The following ENPP3 variants were observed in gnomAD, a reference collection of about 807,000 sequenced individuals.
The protein encoded by ENPP3 is ectonucleotide pyrophosphatase/phosphodiesterase family member 3.
A neutral mutation model predicts 117.8 loss-of-function variants in ENPP3; 104 were observed. That is an observed-to-expected ratio of 0.88 (90% CI 0.75 to 1.04). ENPP3 has a LOEUF of 1.04. ENPP3 is among the 50% of genes least tolerant of loss of function. The probability of loss-of-function intolerance (pLI) is 0.00; values close to 1 mark genes in which losing one functional copy is unlikely to be tolerated. For missense variants in ENPP3, 1,026 were observed against 1,051.9 expected, an observed-to-expected ratio of 0.98 and a Z score of 0.34; for synonymous variants, 380 against 349.9, an observed-to-expected ratio of 1.09 and a Z score of -0.96.
At chr6:131,706,349 G>A (rs1304607227) in intron 15 of ENPP3, among the ~76,000 whole-genome samples, 1 of 136,726 alleles carries the variant, frequency 7.3e-6, no homozygotes, top group Non-Finnish European at 1.5e-5. Flanking sequence ...ATTTTAGAGT[G>A]CACTCCTTTT....
rs1554259595 is a variant in ENPP3, at chr6:131,639,265, A to ATTTTT, written c.78+1812_78+1816dup. ...TATGCTAATATATATATATATATAT[A>ATTTTT]TTTTTTTTTTTTTCTCTCTCTCTTT... On this transcript the variant is annotated intron_variant, in intron 1 of 24. Transcript: ENST00000357639. Among the ~76,000 whole-genome samples, 214 of 107,180 alleles carry ATTTTT rather than the reference A, an allele frequency of 2.0e-3. 5 individuals are homozygous for ATTTTT. The highest frequency in any genetic ancestry group is 4.2e-3 in the African/African-American group (107 of 25,428). The allele number at this position is 107,180 out of a possible 152,430, so 70.3% of individuals were successfully genotyped here.
chr6:131,656,026 C>G (rs1044150506), intron 5 of ENPP3, among the ~76,000 whole-genome samples: 1 of 152,146 alleles, frequency 6.6e-6, no homozygotes. Flanking sequence ...TACATAAAAT[C>G]CTCTTGCCAG....
chr6:131,658,653 T>A (rs1399521011), intron 6 of ENPP3, among the ~76,000 whole-genome samples: 1 of 152,226 alleles, frequency 6.6e-6, no homozygotes, highest in Non-Finnish European at 1.5e-5. Flanking sequence ...TTATTTTGAT[T>A]TGCTTTATAT....
In ENPP3 at chr6:131,740,277, C is replaced by G; in HGVS notation, c.2354C>G (p.Thr785Ser). 1 of 1,613,084 alleles carries G rather than the reference C, an allele frequency of 6.2e-7. No individual in the cohort carries two copies. The change falls in exon 24 of 25, where the codon ACC becomes AGC. Residue 785 changes from threonine to serine, a missense_variant. By Grantham distance (58) the Thr-to-Ser change is moderately conservative (BLOSUM62 1). Coordinates refer to ENST00000357639, the MANE Select transcript of ENPP3 (RefSeq NM_005021.5). ...PIPTHYFVVL[T>S]SCKNKSHTPE... ...CCAACACACTACTTTGTGGTGCTGA[C>G]CAGTTGTAAAAACAAGAGCCACACA...
At chr6:131,683,827 T>C (rs969749090) in intron 12 of ENPP3, among the ~76,000 whole-genome samples, 1 of 149,566 alleles carries the variant, frequency 6.7e-6, no homozygotes, top group Non-Finnish European at 1.5e-5. Context: ...CTTGGCTCAC[T>C]GCAAGCTCTG....
At chr6:131,705,880 G>A (rs1232813614) in intron 15 of ENPP3, among the ~76,000 whole-genome samples, 20 of 132,118 alleles carry the variant, frequency 1.5e-4, no homozygotes, top group South Asian at 4.6e-4. Context: ...TGTCATAGCC[G>A]TAATAATATT....
chr6:131,643,357 A>G (rs1354041830), intron 2 of ENPP3, among the ~76,000 whole-genome samples: 3 of 152,160 alleles, frequency 2.0e-5, no homozygotes, highest in African/African-American at 7.2e-5. Context: ...GTCTGAACAA[A>G]ACCTCCTTTT....
intron 14 of ENPP3, among the ~76,000 whole-genome samples, chr6:131,692,467 T>A (rs1184824372): frequency 6.6e-6 from 1 of 151,734 alleles, no homozygotes; most frequent in Non-Finnish European, 1.5e-5. Context: ...AAATGTAGGT[T>A]ATTTAAAAGA....
chr6:131,712,667 A>C (rs1370638873), intron 15 of ENPP3, among the ~76,000 whole-genome samples: 1 of 140,538 alleles, frequency 7.1e-6, no homozygotes, highest in Non-Finnish European at 1.5e-5. Flanking sequence ...CCAAAATGGC[A>C]TGTATACACC....
chr6:131,713,685 C>G (rs1779834655), intron 15 of ENPP3, among the ~76,000 whole-genome samples: 4 of 152,014 alleles, frequency 2.6e-5, no homozygotes, highest in Admixed American at 2.6e-4. Context: ...TTACTACATT[C>G]TACTATATAA....
chr6:131,692,560 A>ATAGTAGATAATAAATATCTAC, intron 14 of ENPP3, among the ~76,000 whole-genome samples: 1 of 150,406 alleles, frequency 6.6e-6, no homozygotes, highest in East Asian at 1.9e-4. Context: ...AATATGGTAT[A>ATAGTAGATAATAAATATCTAC]TATATTTATA....
chr6:131,650,201 T>C (rs1778234245), intron 3 of ENPP3, 52 bp downstream of exon 3: 3 of 1,596,340 alleles, frequency 1.9e-6, no homozygotes, highest in Non-Finnish European at 1.7e-6. Context: ...TTACTATTAA[T>C]ACATGTCAAA....
intron 14 of ENPP3, among the ~76,000 whole-genome samples, chr6:131,691,746 T>G (rs6901900): frequency 0.32 from 48,235 of 152,024 alleles, 13,272 homozygotes; most frequent in African/African-American, 0.74. Context: ...CTACACAAAG[T>G]CCAGGAAAGT....
intron 20 of ENPP3, among the ~76,000 whole-genome samples, chr6:131,730,544 A>T (rs976465635): frequency 6.6e-6 from 1 of 152,210 alleles, no homozygotes; most frequent in Non-Finnish European, 1.5e-5. Context: ...TTTGTGTCTC[A>T]ACATGTTTTT....
chr6:131,737,046 C>T (rs1780411818), intron 21 of ENPP3, among the ~76,000 whole-genome samples: 1 of 152,168 alleles, frequency 6.6e-6, no homozygotes, highest in Admixed American at 6.5e-5. Context: ...ATTTACAGTC[C>T]ACCCTAAATC....
At chr6:131,638,087 G>A (rs909516188) in intron 1 of ENPP3, among the ~76,000 whole-genome samples, 7 of 151,186 alleles carry the variant, frequency 4.6e-5, no homozygotes, top group African/African-American at 9.8e-5. Flanking sequence ...GGGTAAAGAG[G>A]GCTCATTTCA....
chr6:131,676,299 A>C (rs1195463110), intron 9 of ENPP3, among the ~76,000 whole-genome samples: 1 of 148,142 alleles, frequency 6.8e-6, no homozygotes, highest in Non-Finnish European at 1.5e-5. Context: ...AATACGCTAT[A>C]TAATTTATTT....
At chr6:131,742,349 G>A (rs1307397622) in intron 24 of ENPP3, among the ~76,000 whole-genome samples, 5 of 152,058 alleles carry the variant, frequency 3.3e-5, no homozygotes, top group East Asian at 1.9e-4. Flanking sequence ...TAAACAGTTC[G>A]TTATTACAGA....
At chr6:131,677,298 A>T (rs993770502) in intron 10 of ENPP3, among the ~76,000 whole-genome samples, 4 of 152,190 alleles carry the variant, frequency 2.6e-5, no homozygotes, top group Admixed American at 1.3e-4. Flanking sequence ...TGTGGTTGAC[A>T]TTATTGAACA....
Sources: allele counts gnomAD v4.1 joint callset (sites outside exome capture counted in the v4.1 genomes callset), GRCh38; gene constraint gnomAD v4.1.1; transcripts MANE v1.5; gene names NCBI Gene and HGNC (gene_info 2026-07-23, HGNC 2026-07-21).